The following RAB11FIP4 variants were observed in gnomAD, a reference collection of about 807,000 sequenced individuals.
RAB11FIP4 encodes rab11 family-interacting protein 4.
Under a neutral mutation model 74.3 loss-of-function variants are expected in RAB11FIP4, and 23 were observed. The ratio of observed to expected loss-of-function variants is 0.31; its 90% confidence interval spans 0.22 to 0.44. The LOEUF (loss-of-function observed/expected upper bound fraction) is 0.44. RAB11FIP4 is among the 20% of genes least tolerant of loss of function. The pLI, the probability that RAB11FIP4 is intolerant of heterozygous loss-of-function variation, is 1.00. For synonymous variants in RAB11FIP4, 360 were observed against 359.9 expected (o/e 1.00, Z 0.00); for missense variants, 630 against 863.9 (o/e 0.73, Z 3.39).
At chr17:31,513,166 G>A (rs2072483777) in intron 3 of RAB11FIP4, among the ~76,000 whole-genome samples, 1 of 152,142 alleles carries the variant, frequency 6.6e-6, no homozygotes, top group Non-Finnish European at 1.5e-5. Context: ...CTCAACAGGG[G>A]GCTCCGCGTG....
intron 4 of RAB11FIP4, among the ~76,000 whole-genome samples, chr17:31,520,047 G>C (rs953349597): frequency 7.0e-6 from 1 of 143,444 alleles, no homozygotes; most frequent in Non-Finnish European, 1.5e-5. Context: ...GAAGGCAGAG[G>C]TTGCACCAAT....
intron 3 of RAB11FIP4, among the ~76,000 whole-genome samples, chr17:31,497,824 C>T (rs895887042): frequency 6.6e-6 from 1 of 152,104 alleles, no homozygotes; most frequent in Non-Finnish European, 1.5e-5. Context: ...GGTTTTAAAC[C>T]TTGTTTTCCT....
At position 31,517,841 on chromosome 17, in the gene RAB11FIP4, A is replaced by T. The variant is rs1201060672; in HGVS notation, c.527A>T (p.Asp176Val). Residue 176 changes from aspartate to valine, a missense_variant, in exon 4 of 15, where the codon GAC (aspartate) becomes GTC (valine). Asp to Val is a radical substitution (Grantham distance 152). Transcript: ENST00000621161. ...TCTGTCGGGAGTCCTGCCGAGAAGGACGGGGGACTTGGGGGCCTGTTTCTG... is the reference window on the plus strand; with the variant it reads ...TCTGTCGGGAGTCCTGCCGAGAAGGTCGGGGGACTTGGGGGCCTGTTTCTG... ...EGSVGSPAEKDGGLGGLFLPE... is the reference protein window; with the variant it reads ...EGSVGSPAEKVGGLGGLFLPE... 1 of 1,551,752 alleles carries T rather than the reference A, an allele frequency of 6.4e-7. No homozygotes were observed. Among genetic ancestry groups the T allele is most frequent in the African/African-American group, 1.4e-5 (1 of 73,150 alleles).
rs1396612759 is a variant in RAB11FIP4, at chr17:31,505,670, AC to A, written c.337-11980del. Reference sequence around the variant, plus strand: ...ATATAATATATAATAATTATATAATACATAATTATTATAATATATAATAATT... The same window carrying A: ...ATATAATATATAATAATTATATAATAATAATTATTATAATATATAATAATT... On this transcript the variant is annotated intron_variant, in intron 3 of 14. Coordinates refer to ENST00000621161, the MANE Select transcript of RAB11FIP4 (RefSeq NM_032932.6). Among the ~76,000 whole-genome samples the A allele has an allele frequency of 2.1e-4, 16 of 77,370 alleles. 1 individual carries two copies. The highest frequency in any genetic ancestry group is 2.9e-4 in the South Asian group (1 of 3,454). 50.8% of individuals were successfully genotyped at this position (77,370 alleles called of 152,430 possible).
chr17:31,502,652 G>A (rs1255275933), intron 3 of RAB11FIP4, among the ~76,000 whole-genome samples: 1 of 152,148 alleles, frequency 6.6e-6, no homozygotes, highest in Non-Finnish European at 1.5e-5. Context: ...GTGAGAAGGT[G>A]GGCGAAAAAT....
chr17:31,438,687 A>G (rs920949916), intron 3 of RAB11FIP4, among the ~76,000 whole-genome samples: 2 of 152,140 alleles, frequency 1.3e-5, no homozygotes, highest in Non-Finnish European at 2.9e-5. Context: ...TCTCACACCT[A>G]AAACTGGCGA....
intron 3 of RAB11FIP4, among the ~76,000 whole-genome samples, chr17:31,458,110 T>G (rs11870227): frequency 0.089 from 13,514 of 152,276 alleles, 993 homozygotes; most frequent in African/African-American, 0.2. Context: ...CAGACAGCAG[T>G]TAAGACGTGT....
chr17:31,436,508 T>C (rs2071358496), intron 3 of RAB11FIP4, among the ~76,000 whole-genome samples: 1 of 152,196 alleles, frequency 6.6e-6, no homozygotes, highest in Non-Finnish European at 1.5e-5. Context: ...CCCCACATTC[T>C]GCCATTCACA....
intron 3 of RAB11FIP4, among the ~76,000 whole-genome samples, chr17:31,511,381 A>G (rs993426328): frequency 6.6e-6 from 1 of 152,188 alleles, no homozygotes; most frequent in Non-Finnish European, 1.5e-5. Context: ...CCCAGAAATT[A>G]AACAGCTGAT....
chr17:31,537,575 G>C lies in RAB11FIP4; in HGVS notation c.*5843G>C, dbSNP rs186939707. ...CCAGCAGGGATATCATGGGACCGCAGCCGCTCCGTGCACTGTCTCTGCCCC... is the reference window on the plus strand; with the variant it reads ...CCAGCAGGGATATCATGGGACCGCACCCGCTCCGTGCACTGTCTCTGCCCC... On this transcript the variant is annotated 3_prime_UTR_variant, in exon 15 of 15. Transcript: ENST00000621161. 3.9e-5 allele frequency: 7 copies of C among 177,486 alleles called. No homozygotes were observed. In the Admixed American group the frequency reaches 4.4e-4, roughly 11 times the overall value. The allele number at this position is 177,486 out of a possible 1,614,324, so 11.0% of individuals were successfully genotyped here. A position where few individuals can be genotyped will look rare whatever the true frequency, so the allele number is the denominator to read the frequency against.
chr17:31,516,845 T>A (rs1439796764), intron 3 of RAB11FIP4, among the ~76,000 whole-genome samples: 1 of 152,152 alleles, frequency 6.6e-6, no homozygotes, highest in East Asian at 1.9e-4. Flanking sequence ...GTTGCAGAAT[T>A]TTCTGGGGTT....
chr17:31,531,960 G>T lies in RAB11FIP4; in HGVS notation c.*228G>T, dbSNP rs558731447. 1.7e-4 allele frequency: 83 copies of T among 499,156 alleles called. 1 individual carries two copies. Among genetic ancestry groups the T allele is most frequent in the Admixed American group, 1.6e-3 (44 of 27,776 alleles). 30.9% of individuals were successfully genotyped at this position (499,156 alleles called of 1,614,324 possible). On this transcript the variant is annotated 3_prime_UTR_variant, in exon 15 of 15. Coordinates refer to ENST00000621161, the MANE Select transcript of RAB11FIP4 (RefSeq NM_032932.6). ...CGGTTAGCCGTGCATGCACTTTGTG[G>T]CCCCTTTGCAAGGGGCAGAGGGTAC... is the stretch of plus-strand genomic sequence containing the variant.
rs571626689 is a variant in RAB11FIP4, at chr17:31,499,396, G to A, written c.337-18255G>A. Reference sequence around the variant, plus strand: ...TTTTTAGATAGAGTTTCACTCTGTCGCCAGGCTGGAGTACAGTGGCACAGT... The same window carrying A: ...TTTTTAGATAGAGTTTCACTCTGTCACCAGGCTGGAGTACAGTGGCACAGT... On this transcript the variant is annotated intron_variant, in intron 3 of 14. Coordinates refer to ENST00000621161, the MANE Select transcript of RAB11FIP4 (RefSeq NM_032932.6). Among the ~76,000 whole-genome samples the A allele has an allele frequency of 3.8e-3, 569 of 151,648 alleles. 5 individuals are homozygous for A. The highest frequency in any genetic ancestry group is 0.013 in the African/African-American group (549 of 41,304).
chr17:31,442,835 C>G (rs557073608), intron 3 of RAB11FIP4, among the ~76,000 whole-genome samples: 1 of 152,206 alleles, frequency 6.6e-6, no homozygotes, highest in East Asian at 1.9e-4. Context: ...TAGCGCATGC[C>G]TGTAATCCCA....
chr17:31,528,583 A>T, intron 12 of RAB11FIP4, 37 bp from the exon 13 acceptor site: 1 of 1,613,354 alleles, frequency 6.2e-7, no homozygotes, highest in South Asian at 1.1e-5. Flanking sequence ...TCCTTCCAGC[A>T]TCCCTGCTCC....
chr17:31,443,926 A>G (rs2071427722), intron 3 of RAB11FIP4, among the ~76,000 whole-genome samples: 1 of 152,208 alleles, frequency 6.6e-6, no homozygotes, highest in African/African-American at 2.4e-5. Context: ...AAAAGAAAAG[A>G]AGAAAAGAAA....
chr17:31,449,761 A>G (rs1257821758), intron 3 of RAB11FIP4, among the ~76,000 whole-genome samples: 1 of 152,164 alleles, frequency 6.6e-6, no homozygotes, highest in Non-Finnish European at 1.5e-5. Context: ...GCTGGAGTGC[A>G]GTAGTGCAGT....
intron 3 of RAB11FIP4, among the ~76,000 whole-genome samples, chr17:31,505,226 T>C (rs1487254858): frequency 6.6e-6 from 1 of 151,032 alleles, no homozygotes; most frequent in Non-Finnish European, 1.5e-5. Flanking sequence ...ATCTGTAGGG[T>C]GATTCTTCGG....
chr17:31,487,974 C>T (rs1481742806), intron 3 of RAB11FIP4: 5 of 921,308 alleles, frequency 5.4e-6, no homozygotes, highest in Non-Finnish European at 6.5e-6. Flanking sequence ...CCGCCCCCGC[C>T]CCGCCCCGGC....
Sources: gnomAD v4.1 joint callset for allele counts (sites outside exome capture counted in the v4.1 genomes callset) on GRCh38, gnomAD v4.1.1 for gene constraint, MANE v1.5 for transcripts, NCBI Gene and HGNC (gene_info 2026-07-23, HGNC 2026-07-21) for gene names.